The following NELL1 variants were observed in gnomAD, a reference collection of about 807,000 sequenced individuals.
NELL1 encodes the protein neural EGFL like 1.
Under a neutral mutation model 107.4 loss-of-function variants are expected in NELL1, and 76 were observed. The observed-to-expected ratio is 0.71, with a 90% confidence interval of 0.59 to 0.86. The LOEUF (loss-of-function observed/expected upper bound fraction) is 0.86, where lower values mean the gene tolerates loss of function less well. NELL1 is among the 40% of genes least tolerant of loss of function. The probability of loss-of-function intolerance (pLI) is 0.00; values close to 1 mark genes in which losing one functional copy is unlikely to be tolerated. For synonymous variants in NELL1, 353 were observed against 341.2 expected (o/e 1.03, Z -0.38); for missense variants, 1,024 against 1,005.5 (o/e 1.02, Z -0.25).
At chr11:21,361,676 A>G (rs1048750501) in intron 14 of NELL1, among the ~76,000 whole-genome samples, 3 of 152,030 alleles carry the variant, frequency 2.0e-5, no homozygotes, top group Non-Finnish European at 4.4e-5. Flanking sequence ...GGCTTTGTTC[A>G]TGTTTTTATT....
chr11:21,537,060 A>G (rs566558483), intron 16 of NELL1, among the ~76,000 whole-genome samples: 31 of 152,268 alleles, frequency 2.0e-4, no homozygotes, highest in African/African-American at 7.5e-4. Flanking sequence ...GGCATTTTTA[A>G]TTTGGGTAGT....
chr11:21,191,525 T>C (rs1415980215), intron 13 of NELL1, among the ~76,000 whole-genome samples: 1 of 151,954 alleles, frequency 6.6e-6, no homozygotes, highest in Non-Finnish European at 1.5e-5. Flanking sequence ...AGACAATGAA[T>C]TCATGTTGCT....
chr11:21,274,129 C>A (rs7951590), intron 14 of NELL1, among the ~76,000 whole-genome samples: 85 of 152,226 alleles, frequency 5.6e-4, no homozygotes, highest in African/African-American at 2.0e-3. Context: ...AGAGTCCAGA[C>A]CCATCAGTGT....
chr11:21,164,092 C>T (rs1037452869), intron 13 of NELL1, among the ~76,000 whole-genome samples: 5 of 152,216 alleles, frequency 3.3e-5, no homozygotes, highest in Admixed American at 1.3e-4. Flanking sequence ...CAAACCTGTG[C>T]GCACCTTGAT....
intron 14 of NELL1, among the ~76,000 whole-genome samples, chr11:21,246,346 T>A (rs1220932342): frequency 2.6e-5 from 4 of 152,186 alleles, no homozygotes; most frequent in African/African-American, 9.7e-5. Flanking sequence ...AATTGTCATG[T>A]GTGTAGATAT....
chr11:21,534,599 T>C, intron 16 of NELL1, 85 bp downstream of exon 16: 1 of 1,368,432 alleles, frequency 7.3e-7, no homozygotes, highest in Non-Finnish European at 1.0e-6. Flanking sequence ...CAGCTCCCAG[T>C]GTTAAAATAT....
intron 4 of NELL1, among the ~76,000 whole-genome samples, chr11:20,870,250 C>T (rs1347617334): frequency 2.0e-5 from 3 of 152,160 alleles, no homozygotes; most frequent in Non-Finnish European, 4.4e-5. Flanking sequence ...TTTAGAATAG[C>T]AGTCTCTAAC....
At chr11:21,031,906 A>G (rs1261660694) in intron 12 of NELL1, among the ~76,000 whole-genome samples, 6 of 151,904 alleles carry the variant, frequency 3.9e-5, no homozygotes, top group Admixed American at 2.6e-4. Flanking sequence ...TTAGCTGAGC[A>G]TTGTGGTGCA....
At chr11:21,175,695 T>G (rs1441717729) in intron 13 of NELL1, among the ~76,000 whole-genome samples, 3 of 151,890 alleles carry the variant, frequency 2.0e-5, no homozygotes, top group Non-Finnish European at 4.4e-5. Context: ...GATGCTACAG[T>G]ATAGAAGAAG....
At chr11:20,702,741 G>A (rs1199500550) in intron 2 of NELL1, among the ~76,000 whole-genome samples, 2 of 152,124 alleles carry the variant, frequency 1.3e-5, no homozygotes, top group African/African-American at 4.8e-5. Flanking sequence ...TTTTGACAAA[G>A]GCCTTTTCTG....
intron 12 of NELL1, among the ~76,000 whole-genome samples, chr11:21,018,742 G>T (rs749595018): frequency 2.0e-5 from 3 of 152,086 alleles, no homozygotes; most frequent in Non-Finnish European, 4.4e-5. Context: ...TATTTTCAGT[G>T]ATTGTTCAGC....
chr11:20,919,292 A>G lies in NELL1; in HGVS notation c.717A>G (p.Gly239=). 6.2e-7 allele frequency: 1 copy of G among 1,607,412 alleles called. No homozygotes were observed. Reference sequence around the variant, plus strand: ...GTGATTTCTTAAGCCTGGTGCAAGGAATAATGGATTTACAAGAGCTTTTGG... The same window carrying G: ...GTGATTTCTTAAGCCTGGTGCAAGGGATAATGGATTTACAAGAGCTTTTGG... ...TCSDFLSLVQ[G]IMDLQELLAK... The change falls in exon 7 of 20, where the codon GGA becomes GGG. Residue 239 remains glycine, a synonymous_variant. Coordinates refer to ENST00000357134, the MANE Select transcript of NELL1 (RefSeq NM_006157.5).
chr11:20,699,544 G>C (rs1438276693), intron 2 of NELL1, among the ~76,000 whole-genome samples: 1 of 152,028 alleles, frequency 6.6e-6, no homozygotes, highest in Non-Finnish European at 1.5e-5. Context: ...TATTTTAGTA[G>C]AGATGGAGTT....
intron 15 of NELL1, among the ~76,000 whole-genome samples, chr11:21,416,103 A>C (rs1261855924): frequency 1.3e-5 from 2 of 152,076 alleles, no homozygotes; most frequent in African/African-American, 2.4e-5. Context: ...TTCAGAGAGA[A>C]AATAGAACGC....
At chr11:21,336,129 C>G (rs775178678) in intron 14 of NELL1, among the ~76,000 whole-genome samples, 1 of 151,676 alleles carries the variant, frequency 6.6e-6, no homozygotes, top group South Asian at 2.1e-4. Flanking sequence ...GTGTTTTTTT[C>G]GTAAACTTTC....
chr11:21,233,235 G>A (rs1437942078), intron 14 of NELL1, among the ~76,000 whole-genome samples: 5 of 152,182 alleles, frequency 3.3e-5, no homozygotes, highest in Non-Finnish European at 7.4e-5. Flanking sequence ...ACACCTTGAT[G>A]TGTGTATTCA....
At chr11:20,872,171 A>ATTTTT (rs549212186) in intron 4 of NELL1, among the ~76,000 whole-genome samples, 6 of 103,952 alleles carry the variant, frequency 5.8e-5, no homozygotes, top group African/African-American at 1.6e-4. Flanking sequence ...TCTATCAGAG[A>ATTTTT]TTTTTTTTTT....
At chr11:20,751,137 T>A (rs1856128369) in intron 2 of NELL1, among the ~76,000 whole-genome samples, 1 of 152,184 alleles carries the variant, frequency 6.6e-6, no homozygotes, top group Non-Finnish European at 1.5e-5. Context: ...TGCAGTTTTA[T>A]GGTAAATACT....
chr11:21,226,877 A>T (rs1857906954), intron 13 of NELL1, among the ~76,000 whole-genome samples: 1 of 152,214 alleles, frequency 6.6e-6, no homozygotes, highest in Non-Finnish European at 1.5e-5. Context: ...AGGCAGATAA[A>T]CCAACTACAT....
Sources: gnomAD v4.1 joint callset for allele counts (sites outside exome capture counted in the v4.1 genomes callset) on GRCh38, gnomAD v4.1.1 for gene constraint, MANE v1.5 for transcripts, NCBI Gene and HGNC (gene_info 2026-07-23, HGNC 2026-07-21) for gene names.